The following QTMAN variants were observed in gnomAD, a reference collection of about 807,000 sequenced individuals.
QTMAN encodes tRNA-queuosine alpha-mannosyltransferase.
chr2:144,310,573 C>T, the QTMAN span, among the ~76,000 whole-genome samples: 92 of 152,198 alleles, frequency 6.0e-4, no homozygotes, highest in Non-Finnish European at 1.1e-3. Context: ...TAAAATAATC[C>T]AAGTAAGAAA....
the QTMAN span, among the ~76,000 whole-genome samples, chr2:144,117,403 T>C: frequency 1.1e-3 from 165 of 152,260 alleles, 1 homozygote; most frequent in African/African-American, 3.7e-3. Context: ...TATCTGTGAG[T>C]CCCTTTTCTT....
At chr2:144,327,697 A>C in the QTMAN span, among the ~76,000 whole-genome samples, 57 of 152,182 alleles carry the variant, frequency 3.7e-4, no homozygotes, top group African/African-American at 1.2e-3. Flanking sequence ...TCCAGAAAAC[A>C]GTATCACAGG....
the QTMAN span, among the ~76,000 whole-genome samples, chr2:143,985,148 T>C: frequency 2.0e-5 from 3 of 152,176 alleles, no homozygotes; most frequent in African/African-American, 2.4e-5. Flanking sequence ...GATGCTGCCA[T>C]GGGGCCTGAA....
At chr2:144,154,319 G>A in the QTMAN span, among the ~76,000 whole-genome samples, 1 of 152,114 alleles carries the variant, frequency 6.6e-6, no homozygotes, top group East Asian at 1.9e-4. Context: ...CGAGCCTCCT[G>A]GAATAACAAG....
At chr2:144,143,511 C>T in the QTMAN span, among the ~76,000 whole-genome samples, 1 of 151,860 alleles carries the variant, frequency 6.6e-6, no homozygotes, top group Admixed American at 6.6e-5. Flanking sequence ...TGGCCTGCTA[C>T]TTCCGTGCAT....
chr2:144,268,779 T>C, the QTMAN span, among the ~76,000 whole-genome samples: 1 of 151,732 alleles, frequency 6.6e-6, no homozygotes, highest in Non-Finnish European at 1.5e-5. Context: ...CATTCCTTTC[T>C]AATGGCCCCA....
chr2:144,133,128 T>TA, the QTMAN span, among the ~76,000 whole-genome samples: 3 of 44,904 alleles, frequency 6.7e-5, no homozygotes, highest in East Asian at 5.3e-4. Context: ...TATATATATA[T>TA]ATATATATAT....
At chr2:144,039,009 G>C in the QTMAN span, among the ~76,000 whole-genome samples, 1 of 152,036 alleles carries the variant, frequency 6.6e-6, no homozygotes, top group Non-Finnish European at 1.5e-5. Context: ...AGACCTGCTA[G>C]GGACCAGGGA....
At chr2:144,231,064 G>C in the QTMAN span, among the ~76,000 whole-genome samples, 1 of 152,118 alleles carries the variant, frequency 6.6e-6, no homozygotes. Context: ...ATATGTCAGA[G>C]GGTGGGAGAA....
the QTMAN span, among the ~76,000 whole-genome samples, chr2:144,049,511 T>A: frequency 6.6e-6 from 1 of 152,086 alleles, no homozygotes; most frequent in Non-Finnish European, 1.5e-5. Flanking sequence ...TTGGTAAAAA[T>A]AAGGAAATGG....
chr2:144,182,820 A>ATATATATAATATATATATATTT, the QTMAN span, among the ~76,000 whole-genome samples: 1 of 32,130 alleles, frequency 3.1e-5, no homozygotes, highest in Non-Finnish European at 7.2e-5. Flanking sequence ...TATATATATT[A>ATATATATAATATATATATATTT]TATATATAAT....
chr2:143,959,706 T>C, the QTMAN span, among the ~76,000 whole-genome samples: 2 of 152,154 alleles, frequency 1.3e-5, no homozygotes, highest in African/African-American at 2.4e-5. Context: ...TTTCAGATCA[T>C]GTAAAATTAA....
chr2:144,185,323 AG>A, the QTMAN span, among the ~76,000 whole-genome samples: 1 of 152,180 alleles, frequency 6.6e-6, no homozygotes, highest in Non-Finnish European at 1.5e-5. Flanking sequence ...AGGCCATACA[AG>A]GATCTGTTCT....
chr2:144,145,510 G>A, the QTMAN span: 14 of 1,237,128 alleles, frequency 1.1e-5, no homozygotes, highest in Admixed American at 8.2e-5. Context: ...GATTTAAAAC[G>A]TAACCACCTA....
At chr2:144,154,316 C>T in the QTMAN span, among the ~76,000 whole-genome samples, 4 of 152,040 alleles carry the variant, frequency 2.6e-5, no homozygotes, top group Admixed American at 2.0e-4. Context: ...GAGCGAGCCT[C>T]CTGGAATAAC....
the QTMAN span, among the ~76,000 whole-genome samples, chr2:144,189,581 T>A: frequency 1.3e-5 from 2 of 152,178 alleles, no homozygotes; most frequent in African/African-American, 4.8e-5. Flanking sequence ...ATTATAAGTA[T>A]GTTCTGTTCC....
chr2:144,029,825 A>C, the QTMAN span, among the ~76,000 whole-genome samples: 1 of 152,104 alleles, frequency 6.6e-6, no homozygotes, highest in Non-Finnish European at 1.5e-5. Context: ...AGGTAGGCAG[A>C]TATTATCTTC....
At chr2:144,318,940 T>C in the QTMAN span, among the ~76,000 whole-genome samples, 1 of 152,298 alleles carries the variant, frequency 6.6e-6, no homozygotes, top group African/African-American at 2.4e-5. Context: ...GTATAAATAG[T>C]ATACCAAAAG....
chr2:143,965,844 A>G, the QTMAN span, among the ~76,000 whole-genome samples: 1 of 152,170 alleles, frequency 6.6e-6, no homozygotes, highest in African/African-American at 2.4e-5. Flanking sequence ...CTCCATTTCT[A>G]CAGAGACTAC....
Sources: allele counts gnomAD v4.1 joint callset (sites outside exome capture counted in the v4.1 genomes callset), GRCh38; gene constraint gnomAD v4.1.1; transcripts MANE v1.5; gene names NCBI Gene and HGNC (gene_info 2026-07-23, HGNC 2026-07-21).